The following RIMKLB variants were observed in gnomAD, a reference collection of about 807,000 sequenced individuals.
RIMKLB encodes the protein beta-citrylglutamate synthase B.
RIMKLB carries 7 observed loss-of-function variants against 32.0 expected under a neutral mutation model. That is an observed-to-expected ratio of 0.22 (90% CI 0.12 to 0.41). The LOEUF (loss-of-function observed/expected upper bound fraction) is 0.41, where lower values mean the gene tolerates loss of function less well. Ranked by LOEUF, RIMKLB falls within the 10% of genes least tolerant of loss-of-function variation. The probability of loss-of-function intolerance (pLI) is 1.00; values close to 1 mark genes in which losing one functional copy is unlikely to be tolerated. For synonymous variants in RIMKLB, 172 were observed against 185.1 expected (o/e 0.93, Z 0.57); for missense variants, 289 against 498.7 (o/e 0.58, Z 4.00).
intron 1 of RIMKLB, among the ~76,000 whole-genome samples, chr12:8,709,646 G>A (rs1944195764): frequency 6.6e-6 from 1 of 152,052 alleles, no homozygotes; most frequent in Admixed American, 6.5e-5. Context: ...CCTCCTGTGG[G>A]AATGGCAGTG....
At chr12:8,729,527 G>T (rs1344617918) in intron 2 of RIMKLB, among the ~76,000 whole-genome samples, 1 of 152,124 alleles carries the variant, frequency 6.6e-6, no homozygotes, top group East Asian at 1.9e-4. Flanking sequence ...GTTTTTGTGG[G>T]CACAAGATGG....
intron 2 of RIMKLB, among the ~76,000 whole-genome samples, chr12:8,735,965 G>A (rs1361964352): frequency 6.6e-6 from 1 of 151,980 alleles, no homozygotes; most frequent in Non-Finnish European, 1.5e-5. Context: ...CCCGACCTCA[G>A]GTGATCTGCC....
the RIMKLB span, among the ~76,000 whole-genome samples, chr12:8,670,519 A>C: frequency 6.6e-6 from 1 of 152,266 alleles, no homozygotes; most frequent in African/African-American, 2.4e-5. Context: ...TCCAGGCCAC[A>C]GTGATACAAG....
intron 1 of RIMKLB, among the ~76,000 whole-genome samples, chr12:8,701,026 A>G (rs905080381): frequency 6.6e-6 from 1 of 152,174 alleles, no homozygotes; most frequent in Non-Finnish European, 1.5e-5. Context: ...AAATTTTATC[A>G]CTGCACTCCA....
intron 5 of RIMKLB, among the ~76,000 whole-genome samples, chr12:8,768,315 G>C (rs7139182): frequency 0.064 from 9,690 of 152,170 alleles, 1,029 homozygotes; most frequent in African/African-American, 0.22. Flanking sequence ...GTCAACGGTG[G>C]GTCTGGGACA....
chr12:8,676,586 A>G, the RIMKLB span, among the ~76,000 whole-genome samples: 1 of 151,460 alleles, frequency 6.6e-6, no homozygotes, highest in East Asian at 1.9e-4. Flanking sequence ...TTTAGTAGAC[A>G]CGGGGTTTCA....
chr12:8,736,385 T>A (rs1947006393), intron 2 of RIMKLB, among the ~76,000 whole-genome samples: 1 of 152,202 alleles, frequency 6.6e-6, no homozygotes, highest in Non-Finnish European at 1.5e-5. Context: ...AAATAGCTCG[T>A]ATATACTGTT....
chr12:8,680,713 T>C (rs992639339), upstream of RIMKLB, among the ~76,000 whole-genome samples: 1 of 152,156 alleles, frequency 6.6e-6, no homozygotes, highest in African/African-American at 2.4e-5. Context: ...ATTGAAGTTA[T>C]TGGACTGCAG....
At position 8,774,700 on chromosome 12, in the gene RIMKLB, T is replaced by C; in HGVS notation, c.*916T>C. 1 of 985,700 alleles carries C rather than the reference T, an allele frequency of 1.0e-6. No individual in the cohort carries two copies. The highest frequency in any genetic ancestry group is 1.2e-6 in the Non-Finnish European group (1 of 829,868). 61.1% of individuals were successfully genotyped at this position (985,700 alleles called of 1,614,324 possible). ...AAGACACTGACTTGAAACATGTACA[T>C]TTAAAGCCTTTTATTTTTTCCCTTT... On this transcript the variant is annotated 3_prime_UTR_variant, in exon 6 of 6. Transcript: ENST00000535829.
At chr12:8,778,339 G>C (rs1244855877), downstream of RIMKLB, among the ~76,000 whole-genome samples, 1 of 152,162 alleles carries the variant, frequency 6.6e-6, no homozygotes, top group African/African-American at 2.4e-5. Flanking sequence ...AAGTGAAAGG[G>C]AATAGTAAGA....
chr12:8,727,050 A>G (rs1946078473), intron 2 of RIMKLB, among the ~76,000 whole-genome samples: 1 of 152,160 alleles, frequency 6.6e-6, no homozygotes, highest in Admixed American at 6.5e-5. Context: ...TACCCACCTC[A>G]TGGGTAGTGC....
rs1156980457 is a variant in RIMKLB, at chr12:8,773,914, G to C, written c.*130G>C. On this transcript the variant is annotated 3_prime_UTR_variant, in exon 6 of 6. Transcript: ENST00000535829. The stretch of plus-strand genomic sequence containing the variant: ...GAGAGAAAATTAGTAGGATTAGTTG[G>C]AGAGAGTGGGAGATAGATGAGACCT... 2 of 1,438,624 alleles carry C rather than the reference G, an allele frequency of 1.4e-6. No homozygotes were observed. The highest frequency in any genetic ancestry group is 1.4e-5 in the African/African-American group (1 of 69,750). 89.1% of individuals were successfully genotyped at this position (1,438,624 alleles called of 1,614,324 possible).
chr12:8,725,380 C>T (rs1399144694), intron 2 of RIMKLB, among the ~76,000 whole-genome samples: 2 of 152,068 alleles, frequency 1.3e-5, no homozygotes, highest in African/African-American at 4.8e-5. Flanking sequence ...CCGGTTCCAG[C>T]GATTCTCCTG....
intron 5 of RIMKLB, among the ~76,000 whole-genome samples, chr12:8,758,292 CT>C (rs769931009): frequency 1.3e-5 from 2 of 148,676 alleles, no homozygotes; most frequent in Non-Finnish European, 3.0e-5. Context: ...ATAAAAATAC[CT>C]TATTTTTTAT....
chr12:8,761,227 C>G (rs1232861164), intron 5 of RIMKLB, among the ~76,000 whole-genome samples: 1 of 149,278 alleles, frequency 6.7e-6, no homozygotes, highest in Admixed American at 6.6e-5. Flanking sequence ...GCCTGTAAAC[C>G]CGGTTAACTC....
chr12:8,775,350 A>G lies in RIMKLB; in HGVS notation c.*1566A>G. ...TTGCAGAATTTATAAAAGCCCCCAA[A>G]CTGCATATAATATGAGCCTTTAAAA... On this transcript the variant is annotated 3_prime_UTR_variant, in exon 6 of 6. Transcript: ENST00000535829. The G allele has an allele frequency of 1.0e-6, 1 of 985,396 alleles. No homozygotes were observed. 61.0% of individuals were successfully genotyped at this position (985,396 alleles called of 1,614,324 possible). A position where few individuals can be genotyped will look rare whatever the true frequency, so the allele number is the denominator to read the frequency against.
the RIMKLB span, among the ~76,000 whole-genome samples, chr12:8,672,517 G>A: frequency 6.6e-6 from 1 of 152,140 alleles, no homozygotes; most frequent in African/African-American, 2.4e-5. Context: ...AAGAGAGAAT[G>A]AGGAAGAAGC....
At position 8,713,888 on chromosome 12, in the gene RIMKLB, A is replaced by G; in HGVS notation, c.22A>G (p.Lys8Glu). Reference protein sequence around the residue: MCSSVAAKLWFLTDRRIR... With the variant: MCSSVAAELWFLTDRRIR... ...CAAGATGTGTAGTTCTGTGGCTGCCAAGTTGTGGTTTTTGACAGATCGTCG... is the reference window on the plus strand; with the variant it reads ...CAAGATGTGTAGTTCTGTGGCTGCCGAGTTGTGGTTTTTGACAGATCGTCG... The change falls in exon 2 of 6, where the codon AAG becomes GAG. Residue 8 changes from lysine to glutamate, a missense_variant. Physicochemically the swap from Lys to Glu is moderately conservative, Grantham distance 56 (BLOSUM62 1). Coordinates refer to ENST00000535829, the MANE Select transcript of RIMKLB (RefSeq NM_001297776.2). The G allele has an allele frequency of 6.2e-7, 1 of 1,613,982 alleles. No homozygotes were observed. Among genetic ancestry groups the G allele is most frequent in the Non-Finnish European group, 8.5e-7 (1 of 1,179,974 alleles).
At chr12:8,753,716 C>A (rs947158545) in intron 4 of RIMKLB, among the ~76,000 whole-genome samples, 174 bp from the exon 5 acceptor site, 14 of 151,860 alleles carry the variant, frequency 9.2e-5, no homozygotes, top group African/African-American at 3.1e-4. Flanking sequence ...TTTACCTTGT[C>A]TTTATATATT....
Sources: gnomAD v4.1 joint callset for allele counts (sites outside exome capture counted in the v4.1 genomes callset) on GRCh38, gnomAD v4.1.1 for gene constraint, MANE v1.5 for transcripts, NCBI Gene and HGNC (gene_info 2026-07-23, HGNC 2026-07-21) for gene names.